Variants in RGS6 observed in about 807,000 individuals in gnomAD.
RGS6 encodes regulator of G-protein signaling 6.
Under a neutral mutation model 78.5 loss-of-function variants are expected in RGS6, and 30 were observed. That is an observed-to-expected ratio of 0.38 (90% confidence interval 0.29 to 0.52). The LOEUF (loss-of-function observed/expected upper bound fraction) is 0.52. Among genes scored for constraint, RGS6 ranks in the 20% least tolerant of loss-of-function variants. The probability of loss-of-function intolerance (pLI) is 0.85; values close to 1 mark genes in which losing one functional copy is unlikely to be tolerated. For synonymous variants in RGS6, 206 were observed against 206.0 expected, an observed-to-expected ratio of 1.00 and a Z score of 0.00; for missense variants, 495 against 609.7, an observed-to-expected ratio of 0.81 and a Z score of 1.98.
intron 2 of RGS6, among the ~76,000 whole-genome samples, chr14:72,241,392 T>C (rs1034279496): frequency 2.6e-5 from 4 of 152,210 alleles, no homozygotes; most frequent in African/African-American, 4.8e-5. Context: ...CAATAGTTAA[T>C]AAATGGGTTC....
intron 2 of RGS6, among the ~76,000 whole-genome samples, chr14:72,179,552 T>C (rs1477910853): frequency 6.6e-6 from 1 of 152,122 alleles, no homozygotes; most frequent in African/African-American, 2.4e-5. Context: ...CTATATGCAA[T>C]GTATGACTCC....
At chr14:72,155,924 T>A (rs889621889) in intron 2 of RGS6, among the ~76,000 whole-genome samples, 2 of 152,230 alleles carry the variant, frequency 1.3e-5, no homozygotes, top group South Asian at 4.1e-4. Context: ...GAGGTTCAAC[T>A]GGGAAAACGG....
chr14:72,360,947 A>G (rs544087317), intron 3 of RGS6, among the ~76,000 whole-genome samples: 1 of 152,262 alleles, frequency 6.6e-6, no homozygotes, highest in South Asian at 2.1e-4. Context: ...GATGGTTTTT[A>G]TAAGTGTTTG....
At chr14:72,009,236 A>C (rs1460503363) in intron 2 of RGS6, among the ~76,000 whole-genome samples, 1 of 152,188 alleles carries the variant, frequency 6.6e-6, no homozygotes, top group African/African-American at 2.4e-5. Context: ...CTGTAGTCCT[A>C]GATACTCGGG....
At chr14:72,202,870 T>TTTGG in intron 2 of RGS6, among the ~76,000 whole-genome samples, 1 of 151,702 alleles carries the variant, frequency 6.6e-6, no homozygotes, top group Non-Finnish European at 1.5e-5. Flanking sequence ...CTGTTTTTTG[T>TTTGG]TTTGTTTTGT....
intron 6 of RGS6, among the ~76,000 whole-genome samples, chr14:72,461,837 A>C (rs2095790620): frequency 6.6e-6 from 1 of 152,178 alleles, no homozygotes; most frequent in Admixed American, 6.5e-5. Flanking sequence ...CAAATTACTT[A>C]ACCTCTCTGT....
At chr14:72,539,947 T>G in intron 16 of RGS6, 94 bp from the exon 17 acceptor site, 1 of 1,127,578 alleles carries the variant, frequency 8.9e-7, no homozygotes, top group Non-Finnish European at 1.2e-6. Context: ...TTGTTATTCT[T>G]TAGCTGCAGC....
intron 2 of RGS6, among the ~76,000 whole-genome samples, chr14:72,287,943 C>G (rs2062884432): frequency 6.6e-6 from 1 of 152,044 alleles, no homozygotes; most frequent in Non-Finnish European, 1.5e-5. Flanking sequence ...GAAATAAATC[C>G]CACTTGGTCA....
chr14:72,001,471 AACACACACACACACACACACACACACAC>A (rs3053057), intron 2 of RGS6, among the ~76,000 whole-genome samples: 14 of 146,140 alleles, frequency 9.6e-5, no homozygotes, highest in African/African-American at 1.5e-4. Flanking sequence ...ATAAAAACAG[AACACACACACACACACACACACACACAC>A]ACACACACAC....
Position 72,088,016 on chromosome 14 carries a change from C to T in RGS6, c.84+123141C>T, listed in dbSNP as rs113061709. On this transcript the variant is annotated intron_variant, in intron 2 of 17. Coordinates refer to ENST00000553525, the MANE Select transcript of RGS6 (RefSeq NM_001204424.2). ...AAAGGTCAGATGAGAATGGGAGAGC[C>T]ATCAGATAGAGACCACTGTGGAGGA... Among the ~76,000 whole-genome samples, 1,476 of 152,210 alleles carry T rather than the reference C, an allele frequency of 9.7e-3. 24 individuals carry two copies. The highest frequency in any genetic ancestry group is 0.033 in the African/African-American group (1,386 of 41,518).
At chr14:72,175,917 G>T (rs1010891536) in intron 2 of RGS6, among the ~76,000 whole-genome samples, 6 of 152,170 alleles carry the variant, frequency 3.9e-5, no homozygotes, top group Non-Finnish European at 8.8e-5. Flanking sequence ...TGGCTTGGGA[G>T]AATGAGCCTG....
intron 2 of RGS6, among the ~76,000 whole-genome samples, chr14:72,251,206 T>C: frequency 6.6e-6 from 1 of 152,242 alleles, no homozygotes; most frequent in East Asian, 1.9e-4. Flanking sequence ...TGTCTTTTTA[T>C]GCAGATAAAG....
At chr14:72,166,856 CA>C (rs767663357) in intron 2 of RGS6, among the ~76,000 whole-genome samples, 8 of 152,184 alleles carry the variant, frequency 5.3e-5, no homozygotes, top group Non-Finnish European at 8.8e-5. Flanking sequence ...TGAGTGTTTT[CA>C]CTGCCTAATT....
chr14:72,139,390 C>G (rs2096501613), intron 2 of RGS6, among the ~76,000 whole-genome samples: 1 of 152,176 alleles, frequency 6.6e-6, no homozygotes. Flanking sequence ...CTAATTCAGT[C>G]ACTTAATGTT....
intron 12 of RGS6, among the ~76,000 whole-genome samples, chr14:72,485,791 G>A (rs1442054617): frequency 6.6e-6 from 1 of 152,184 alleles, no homozygotes; most frequent in Non-Finnish European, 1.5e-5. Flanking sequence ...TGGAGCCAGG[G>A]CCTTCAGTGC....
chr14:71,891,225 C>T, the RGS6 span, among the ~76,000 whole-genome samples: 1 of 152,322 alleles, frequency 6.6e-6, no homozygotes, highest in Non-Finnish European at 1.5e-5. Flanking sequence ...TGATATAACA[C>T]AATTACCCCA....
At chr14:72,286,415 C>A (rs1328533726) in intron 2 of RGS6, among the ~76,000 whole-genome samples, 2 of 151,914 alleles carry the variant, frequency 1.3e-5, no homozygotes, top group Non-Finnish European at 2.9e-5. Context: ...ACTCTAGGTT[C>A]GTTATATATT....
intron 2 of RGS6, among the ~76,000 whole-genome samples, chr14:72,259,290 C>T (rs572068676): frequency 5.4e-4 from 82 of 152,176 alleles, no homozygotes; most frequent in African/African-American, 1.6e-3. Flanking sequence ...AACTATATAT[C>T]AAAATTAATT....
chr14:72,456,656 C>T (rs1233646458), intron 4 of RGS6, among the ~76,000 whole-genome samples: 1 of 152,134 alleles, frequency 6.6e-6, no homozygotes, highest in Non-Finnish European at 1.5e-5. Flanking sequence ...AGTCTTAGCT[C>T]CAAGACTGGT....
Sources: allele counts gnomAD v4.1 joint callset (sites outside exome capture counted in the v4.1 genomes callset), GRCh38; gene constraint gnomAD v4.1.1; transcripts MANE v1.5; gene names NCBI Gene and HGNC (gene_info 2026-07-23, HGNC 2026-07-21).